AKT3: variants seen among roughly 807,000 people sequenced by gnomAD.
AKT3 encodes the protein AKT serine/threonine kinase 3, also known as RAC-gamma serine/threonine-protein kinase.
Under a neutral mutation model 65.3 loss-of-function variants are expected in AKT3, and 15 were observed. That is an observed-to-expected ratio of 0.23 (90% CI 0.15 to 0.35). AKT3 has a LOEUF of 0.35. AKT3 is among the 10% of genes least tolerant of loss of function. AKT3 has a pLI of 1.00. For missense variants in AKT3, 243 were observed against 576.5 expected (o/e 0.42, Z 5.92); for synonymous variants, 206 against 183.8 (o/e 1.12, Z -0.98).
At chr1:243,716,667 T>C (rs1274674394) in intron 2 of AKT3, among the ~76,000 whole-genome samples, 1 of 152,188 alleles carries the variant, frequency 6.6e-6, no homozygotes, top group Non-Finnish European at 1.5e-5. Flanking sequence ...ACATAGAATT[T>C]TAAATTCAGA....
chr1:243,688,471 A>C (rs1379122064), intron 3 of AKT3, among the ~76,000 whole-genome samples: 1 of 152,202 alleles, frequency 6.6e-6, no homozygotes, highest in Non-Finnish European at 1.5e-5. Context: ...GGTATTTGCA[A>C]AGGAACTTTT....
intron 12 of AKT3, among the ~76,000 whole-genome samples, chr1:243,520,401 A>C (rs1369945855): frequency 2.6e-5 from 4 of 152,218 alleles, no homozygotes; most frequent in African/African-American, 4.8e-5. Context: ...TAAACCACCC[A>C]GTCTGTGGTA....
chr1:243,491,324 C>T (rs892210554), intron 13 of AKT3, among the ~76,000 whole-genome samples: 1 of 152,204 alleles, frequency 6.6e-6, no homozygotes, highest in African/African-American at 2.4e-5. Context: ...GTCTTTCTTT[C>T]TTCTTTTGCC....
chr1:243,597,496 TTTTTGTTTTG>T (rs549760765), intron 8 of AKT3, among the ~76,000 whole-genome samples: 14 of 151,976 alleles, frequency 9.2e-5, no homozygotes, highest in African/African-American at 2.7e-4. Flanking sequence ...ATACTATGCA[TTTTTGTTTTG>T]TTTTGTTTTG....
chr1:243,729,065 G>A (rs1005636584), intron 2 of AKT3, among the ~76,000 whole-genome samples: 1 of 152,150 alleles, frequency 6.6e-6, no homozygotes, highest in African/African-American at 2.4e-5. Flanking sequence ...ATGTTCACGC[G>A]GATGTCAATG....
chr1:243,553,294 C>T (rs1011751922), intron 10 of AKT3, among the ~76,000 whole-genome samples: 3 of 152,074 alleles, frequency 2.0e-5, no homozygotes, highest in African/African-American at 4.8e-5. Flanking sequence ...CTGGTTCCAC[C>T]CATGTGGACT....
chr1:243,820,100 T>C (rs1457751316), intron 2 of AKT3, among the ~76,000 whole-genome samples: 1 of 152,076 alleles, frequency 6.6e-6, no homozygotes, highest in Non-Finnish European at 1.5e-5. Context: ...TTGTATTTTT[T>C]AGTAGAGACA....
At chr1:243,663,156 A>G (rs1324620536) in intron 4 of AKT3, among the ~76,000 whole-genome samples, 2 of 152,258 alleles carry the variant, frequency 1.3e-5, no homozygotes, top group Non-Finnish European at 2.9e-5. Context: ...TTTGCTGTCA[A>G]GAATCTTCAA....
rs556630161 is a variant in AKT3 at position 243,763,642 on chromosome 1, A to G, written c.47-67926T>C. ...CTCAAATTTAAATGAAAACGATTAG[A>G]ACAATGTCAAAAAAGTTTAGTAAAT... On this transcript the variant is annotated intron_variant, in intron 2 of 13. Coordinates refer to ENST00000673466, the MANE Select transcript of AKT3 (RefSeq NM_005465.7). Among the ~76,000 whole-genome samples, 150 of 152,214 alleles carry G rather than the reference A, an allele frequency of 9.9e-4. 1 individual carries two copies. The highest frequency in any genetic ancestry group is 3.5e-3 in the African/African-American group (147 of 41,578).
chr1:243,656,666 G>C (rs1250382673), intron 4 of AKT3, among the ~76,000 whole-genome samples: 1 of 152,204 alleles, frequency 6.6e-6, no homozygotes, highest in East Asian at 1.9e-4. Flanking sequence ...GGTAATGTAA[G>C]AGCACAGTAT....
chr1:243,662,660 A>G (rs1682456919), intron 4 of AKT3, among the ~76,000 whole-genome samples: 1 of 151,950 alleles, frequency 6.6e-6, no homozygotes, highest in African/African-American at 2.4e-5. Flanking sequence ...TACATATGTA[A>G]CTAACCTGCA....
At chr1:243,814,466 A>G (rs993643321) in intron 2 of AKT3, 2 of 152,232 alleles carry the variant, frequency 1.3e-5, no homozygotes, top group Non-Finnish European at 1.5e-5. Context: ...TGTAGTTCCT[A>G]GAAATAATTA....
At chr1:243,747,762 A>C (rs542256062) in intron 2 of AKT3, among the ~76,000 whole-genome samples, 1 of 152,192 alleles carries the variant, frequency 6.6e-6, no homozygotes, top group African/African-American at 2.4e-5. Flanking sequence ...CTTTATCCAT[A>C]AACACAAAAA....
intron 12 of AKT3, among the ~76,000 whole-genome samples, chr1:243,520,791 T>C (rs1364266898): frequency 1.3e-5 from 2 of 152,206 alleles, no homozygotes; most frequent in Non-Finnish European, 2.9e-5. Context: ...ATATGCAACT[T>C]CAAGTCCGTA....
chr1:243,526,060 A>T (rs1245523921), intron 12 of AKT3, among the ~76,000 whole-genome samples: 1 of 151,652 alleles, frequency 6.6e-6, no homozygotes, highest in South Asian at 2.1e-4. Flanking sequence ...GTGTGTGTAA[A>T]GAGATTACAG....
intron 2 of AKT3, among the ~76,000 whole-genome samples, chr1:243,742,233 T>C (rs982241545): frequency 6.6e-6 from 1 of 152,184 alleles, no homozygotes. Context: ...GCCTCTCTGA[T>C]AGTTACCACC....
At chr1:243,589,781 T>G (rs183439260) in intron 8 of AKT3, among the ~76,000 whole-genome samples, 2 of 152,344 alleles carry the variant, frequency 1.3e-5, no homozygotes, top group Admixed American at 1.3e-4. Flanking sequence ...AAGGCAGGAC[T>G]GCAGGTATCT....
intron 2 of AKT3, among the ~76,000 whole-genome samples, chr1:243,819,264 A>G (rs1359071126): frequency 6.6e-6 from 1 of 152,212 alleles, no homozygotes; most frequent in Non-Finnish European, 1.5e-5. Context: ...CCGGAGGGGC[A>G]GCAGCCAGCA....
At position 243,540,451 on chromosome 1, in the gene AKT3, G is replaced by A. The variant is rs186549572; in HGVS notation, c.1251+5059C>T. Reference sequence around the variant, plus strand: ...CTAGAACTTCCTCAATCTGATAAAGGAGGCATAAAACATCTATATTATAAC... The same window carrying A: ...CTAGAACTTCCTCAATCTGATAAAGAAGGCATAAAACATCTATATTATAAC... On this transcript the variant is annotated intron_variant, in intron 12 of 13. Coordinates refer to ENST00000673466, the MANE Select transcript of AKT3 (RefSeq NM_005465.7). 3.6e-3 allele frequency among the ~76,000 whole-genome samples: 549 copies of A among 152,154 alleles called. 4 individuals carry two copies. The highest frequency in any genetic ancestry group is 0.013 in the African/African-American group (521 of 41,504).
Sources: allele counts gnomAD v4.1 joint callset (sites outside exome capture counted in the v4.1 genomes callset), GRCh38; gene constraint gnomAD v4.1.1; transcripts MANE v1.5; gene names NCBI Gene and HGNC (gene_info 2026-07-23, HGNC 2026-07-21).